Variants in MCC observed in about 807,000 individuals in gnomAD.
The protein encoded by MCC is colorectal mutant cancer protein.
Under a neutral mutation model 116.2 loss-of-function variants are expected in MCC, and 90 were observed. The ratio of observed to expected loss-of-function variants is 0.77; its 90% CI spans 0.65 to 0.92. The LOEUF is 0.92. Ranked by LOEUF, MCC falls within the 40% of genes least tolerant of loss-of-function variation. The probability of loss-of-function intolerance (pLI) is 0.00; values close to 1 mark genes in which losing one functional copy is unlikely to be tolerated. For missense variants in MCC, 1,516 were observed against 1,312.2 expected (o/e 1.16, Z -2.40); for synonymous variants, 578 against 510.5 (o/e 1.13, Z -1.78).
chr5:113,050,388 A>AC (rs1251966741), intron 15 of MCC, among the ~76,000 whole-genome samples: 1 of 151,794 alleles, frequency 6.6e-6, no homozygotes, highest in African/African-American at 2.4e-5. Context: ...GATTCTCACA[A>AC]CCCCCGAAGT....
chr5:113,221,388 G>T (rs1391631922), intron 3 of MCC, among the ~76,000 whole-genome samples: 1 of 152,158 alleles, frequency 6.6e-6, no homozygotes, highest in Non-Finnish European at 1.5e-5. Flanking sequence ...AACTAACTTT[G>T]GGAGGAACTT....
chr5:113,457,702 A>G (rs1771613473), intron 1 of MCC, among the ~76,000 whole-genome samples: 1 of 147,716 alleles, frequency 6.8e-6, no homozygotes, highest in Admixed American at 6.6e-5. Context: ...GTTTGTAAAC[A>G]CACCAATCAG....
At chr5:113,340,847 C>T (rs1767993292) in intron 2 of MCC, 117 bp from the exon 3 acceptor site, 1 of 747,658 alleles carries the variant, frequency 1.3e-6, no homozygotes, top group African/African-American at 1.8e-5. Context: ...TCTCAGAACA[C>T]ATGTGATGCC....
intron 2 of MCC, among the ~76,000 whole-genome samples, chr5:113,357,562 T>C (rs1184417629): frequency 6.6e-6 from 1 of 152,014 alleles, no homozygotes; most frequent in Non-Finnish European, 1.5e-5. Flanking sequence ...GGAAAGGCAG[T>C]CTCCCAATAG....
intron 2 of MCC, among the ~76,000 whole-genome samples, chr5:113,353,882 C>T (rs1444147813): frequency 6.6e-6 from 1 of 152,180 alleles, no homozygotes; most frequent in Non-Finnish European, 1.5e-5. Context: ...AATCATTTTT[C>T]TTTTCAGGAA....
chr5:113,096,325 A>T (rs1756013534), intron 8 of MCC, among the ~76,000 whole-genome samples: 1 of 152,152 alleles, frequency 6.6e-6, no homozygotes, highest in African/African-American at 2.4e-5. Context: ...CCACAATCAT[A>T]ATGTGGGGGA....
Position 113,451,291 on chromosome 5 carries a change from A to G in MCC, c.170+36954T>C, listed in dbSNP as rs116092355. On this transcript the variant is annotated intron_variant, in intron 1 of 18. Transcript: ENST00000408903. The stretch of plus-strand genomic sequence containing the variant: ...CCTCAGATAAAGCAAGGGATCTTTT[A>G]GGAAGAGATGAAGAAAGAATAACGA... 3.3e-3 allele frequency among the ~76,000 whole-genome samples: 502 copies of G among 152,376 alleles called. 2 individuals are homozygous for G. The highest frequency in any genetic ancestry group is 0.011 in the African/African-American group (472 of 41,592).
chr5:113,164,824 A>G (rs2150299628), intron 3 of MCC, among the ~76,000 whole-genome samples: 1 of 152,326 alleles, frequency 6.6e-6, no homozygotes, highest in South Asian at 2.1e-4. Context: ...TCAGCACCAG[A>G]TGGTTTATAG....
chr5:113,205,122 A>T (rs895941010), intron 3 of MCC, among the ~76,000 whole-genome samples: 1 of 150,806 alleles, frequency 6.6e-6, no homozygotes, highest in Non-Finnish European at 1.5e-5. Flanking sequence ...TCTCTCCCTC[A>T]CCCCCTGCCT....
chr5:113,345,725 C>A (rs1353133208), intron 2 of MCC, among the ~76,000 whole-genome samples: 1 of 152,216 alleles, frequency 6.6e-6, no homozygotes, highest in Non-Finnish European at 1.5e-5. Flanking sequence ...GTGCCCAAGT[C>A]CCTTTGGATA....
intron 3 of MCC, among the ~76,000 whole-genome samples, chr5:113,266,145 C>T (rs1174129362): frequency 6.6e-6 from 1 of 152,064 alleles, no homozygotes; most frequent in East Asian, 1.9e-4. Context: ...TATAGTTCCC[C>T]TAAAAAATAA....
chr5:113,385,859 A>C (rs893349421), intron 1 of MCC, among the ~76,000 whole-genome samples: 2 of 152,206 alleles, frequency 1.3e-5, no homozygotes, highest in Admixed American at 1.3e-4. Context: ...ACTAGATTTA[A>C]TGTAAATGTG....
At chr5:113,433,872 T>C in intron 1 of MCC, 2 of 1,614,008 alleles carry the variant, frequency 1.2e-6, no homozygotes, top group Non-Finnish European at 1.7e-6. Context: ...TGTCTCAGGC[T>C]GTGCCTGGGG....
In MCC at chr5:113,333,828, T is replaced by TACATATATGTACATATATGTAC. The variant is rs71687516; in HGVS notation, c.627+6690_627+6691insGTACATATATGTACATATATGT. 4.9e-4 allele frequency among the ~76,000 whole-genome samples: 6 copies of TACATATATGTACATATATGTAC among 12,274 alleles called. 2 individuals are homozygous for TACATATATGTACATATATGTAC. Among genetic ancestry groups the TACATATATGTACATATATGTAC allele is most frequent in the African/African-American group, 7.3e-4 (6 of 8,266 alleles). The allele number at this position is 12,274 out of a possible 152,430, so 8.1% of individuals were successfully genotyped here. A position where few individuals can be genotyped will look rare whatever the true frequency, so the allele number is the denominator to read the frequency against. On this transcript the variant is annotated intron_variant, in intron 3 of 18. Transcript: ENST00000408903. ...ATATATGTATATATGTACATATATG[T>TACATATATGTACATATATGTAC]ATATATGTATATATGTATATATGTA...
intron 3 of MCC, among the ~76,000 whole-genome samples, chr5:113,333,794 T>TATATATGTATATATGTAC (rs1554076856): frequency 0.01 from 941 of 89,744 alleles, 142 homozygotes; most frequent in African/African-American, 0.062. Context: ...TATATTTATA[T>TATATATGTATATATGTAC]ATATATGTAT....
intron 1 of MCC, among the ~76,000 whole-genome samples, chr5:113,460,997 A>G (rs893232463): frequency 2.6e-5 from 4 of 152,238 alleles, no homozygotes; most frequent in African/African-American, 4.8e-5. Context: ...AAGCACTCTT[A>G]AAAACACATT....
At chr5:113,079,483 G>A (rs1341063265) in intron 11 of MCC, among the ~76,000 whole-genome samples, 1 of 152,150 alleles carries the variant, frequency 6.6e-6, no homozygotes, top group Non-Finnish European at 1.5e-5. Context: ...GAACAGAATA[G>A]AGCCCTCAGA....
At chr5:113,423,068 C>G (rs1770383142) in intron 1 of MCC, among the ~76,000 whole-genome samples, 1 of 152,118 alleles carries the variant, frequency 6.6e-6, no homozygotes, top group East Asian at 1.9e-4. Context: ...TTGAGTCGTC[C>G]AACACACAAG....
intron 3 of MCC, among the ~76,000 whole-genome samples, chr5:113,278,759 C>A (rs1295065524): frequency 6.6e-6 from 1 of 152,150 alleles, no homozygotes; most frequent in Non-Finnish European, 1.5e-5. Flanking sequence ...GTATATGGGG[C>A]TGGGTACCTC....
Sources: allele counts gnomAD v4.1 joint callset (sites outside exome capture counted in the v4.1 genomes callset), GRCh38; gene constraint gnomAD v4.1.1; transcripts MANE v1.5; gene names NCBI Gene and HGNC (gene_info 2026-07-23, HGNC 2026-07-21).